Variants in TENM3 observed in about 807,000 individuals in gnomAD.
TENM3 encodes teneurin transmembrane protein 3, also known as teneurin-3.
A neutral mutation model predicts 255.1 loss-of-function variants in TENM3; 63 were observed. The observed-to-expected ratio is 0.25, with a 90% CI of 0.20 to 0.30. The LOEUF is 0.30. Ranked by LOEUF, TENM3 falls within the 10% of genes least tolerant of loss-of-function variation. The pLI is 1.00. For synonymous variants in TENM3, 1,306 were observed against 1,322.3 expected, an observed-to-expected ratio of 0.99 and a Z score of 0.27; for missense variants, 2,929 against 3,461.1, an observed-to-expected ratio of 0.85 and a Z score of 3.86.
the TENM3 span, among the ~76,000 whole-genome samples, chr4:181,494,249 A>T: frequency 2.0e-5 from 3 of 152,270 alleles, no homozygotes; most frequent in Non-Finnish European, 4.4e-5. Context: ...CACCAACTAA[A>T]ATGTCAACAG....
chr4:182,718,136 G>A (rs893320432), intron 13 of TENM3, among the ~76,000 whole-genome samples: 8 of 151,542 alleles, frequency 5.3e-5, no homozygotes, highest in African/African-American at 1.9e-4. Flanking sequence ...AAAGACCCTG[G>A]TCTCACATGT....
chr4:182,691,520 T>C (rs1268762419), intron 12 of TENM3, among the ~76,000 whole-genome samples: 1 of 152,242 alleles, frequency 6.6e-6, no homozygotes, highest in Non-Finnish European at 1.5e-5. Flanking sequence ...GTTATGAATT[T>C]GGAGTGTTCA....
chr4:182,740,783 A>C (rs1180186704), intron 18 of TENM3, among the ~76,000 whole-genome samples: 1 of 152,234 alleles, frequency 6.6e-6, no homozygotes, highest in Admixed American at 6.5e-5. Context: ...CATATTCTAA[A>C]CCAGAATAAC....
chr4:182,423,275 G>C (rs892661139), intron 3 of TENM3, among the ~76,000 whole-genome samples: 2 of 152,046 alleles, frequency 1.3e-5, no homozygotes, highest in African/African-American at 2.4e-5. Flanking sequence ...AGGAAGAGAG[G>C]TGCTGGAGAA....
chr4:182,420,393 T>C (rs1182261851), intron 3 of TENM3, among the ~76,000 whole-genome samples: 1 of 152,200 alleles, frequency 6.6e-6, no homozygotes, highest in African/African-American at 2.4e-5. Context: ...AATTCATTCA[T>C]AACTTTCTCT....
intron 6 of TENM3, among the ~76,000 whole-genome samples, chr4:182,664,116 T>C (rs867548505): frequency 2.6e-5 from 4 of 152,332 alleles, no homozygotes; most frequent in African/African-American, 9.6e-5. Flanking sequence ...TTATCATGCC[T>C]CCCAGATACC....
At chr4:182,228,173 C>T (rs2149998675) in intron 1 of TENM3, among the ~76,000 whole-genome samples, 1 of 151,784 alleles carries the variant, frequency 6.6e-6, no homozygotes, top group South Asian at 2.1e-4. Flanking sequence ...ATCCGAGGAC[C>T]ACAGTTAATA....
chr4:182,304,620 A>G lies in TENM3; in HGVS notation c.-75-19326A>G, dbSNP rs1402987422. ...CCTGCTGTGTACAAGACACAAAGGC[A>G]GGCAACACTGGAGTAGGTTTTTCTG... On this transcript the variant is annotated intron_variant, in intron 1 of 27. Transcript: ENST00000511685. Among the ~76,000 whole-genome samples the G allele has an allele frequency of 2.6e-5, 4 of 152,226 alleles. No individual in the cohort carries two copies. In the East Asian group the frequency reaches 7.7e-4, roughly 29 times the overall value.
chr4:182,063,302 C>T, the TENM3 span, among the ~76,000 whole-genome samples: 1 of 152,190 alleles, frequency 6.6e-6, no homozygotes, highest in Non-Finnish European at 1.5e-5. Context: ...ATGCTGACTA[C>T]TTCTGTAAAT....
intron 1 of TENM3, among the ~76,000 whole-genome samples, chr4:182,162,367 AGAC>A (rs1579560611): frequency 2.0e-5 from 3 of 152,304 alleles, no homozygotes. Flanking sequence ...AAATAGAAGA[AGAC>A]ATCTATTTTA....
the TENM3 span, among the ~76,000 whole-genome samples, chr4:181,748,528 C>A: frequency 6.6e-6 from 1 of 152,032 alleles, no homozygotes; most frequent in Non-Finnish European, 1.5e-5. Flanking sequence ...ATTACTAATT[C>A]CTAACACAAA....
the TENM3 span, among the ~76,000 whole-genome samples, chr4:181,621,991 C>T: frequency 1.3e-5 from 2 of 152,308 alleles, no homozygotes; most frequent in South Asian, 2.1e-4. Flanking sequence ...ACAATAACTT[C>T]CGGTAAAATC....
the TENM3 span, among the ~76,000 whole-genome samples, chr4:181,856,116 AGAAGGAAGGAAAGAAGGAAGAAG>A: frequency 4.5e-5 from 6 of 132,638 alleles, no homozygotes; most frequent in Non-Finnish European, 9.7e-5. Context: ...AAGGAAAGGA[AGAAGGAAGGAAAGAAGGAAGAAG>A]GAAGGAAGGA....
chr4:182,297,753 C>T (rs932013716), intron 1 of TENM3, among the ~76,000 whole-genome samples: 10 of 152,170 alleles, frequency 6.6e-5, no homozygotes, highest in African/African-American at 2.2e-4. Flanking sequence ...TTGTGTGATA[C>T]AAGTGGAGTA....
intron 3 of TENM3, among the ~76,000 whole-genome samples, chr4:182,533,439 T>A (rs1282304797): frequency 6.7e-6 from 1 of 149,196 alleles, no homozygotes; most frequent in African/African-American, 2.5e-5. Context: ...TAGTCCCAAC[T>A]AATGTGGAAG....
chr4:182,268,421 C>A (rs188225493), intron 1 of TENM3, among the ~76,000 whole-genome samples: 7 of 152,060 alleles, frequency 4.6e-5, no homozygotes. Context: ...GTCTTCGTCC[C>A]TCTGCAACCC....
At chr4:181,633,317 G>A in the TENM3 span, among the ~76,000 whole-genome samples, 6 of 152,210 alleles carry the variant, frequency 3.9e-5, no homozygotes, top group Non-Finnish European at 8.8e-5. Flanking sequence ...GGTTGAAAGG[G>A]AGGGTAGATA....
chr4:181,788,852 C>T, the TENM3 span, among the ~76,000 whole-genome samples: 2 of 152,206 alleles, frequency 1.3e-5, no homozygotes, highest in Non-Finnish European at 2.9e-5. Context: ...TCCGTCTCAG[C>T]TTTCCAAAGT....
At chr4:182,593,378 C>G (rs74978298) in intron 3 of TENM3, among the ~76,000 whole-genome samples, 2 of 152,198 alleles carry the variant, frequency 1.3e-5, no homozygotes, top group Non-Finnish European at 2.9e-5. Flanking sequence ...TCCACCTCCA[C>G]CCAGTTTCTG....
Sources: allele counts gnomAD v4.1 joint callset (sites outside exome capture counted in the v4.1 genomes callset), GRCh38; gene constraint gnomAD v4.1.1; transcripts MANE v1.5; gene names NCBI Gene and HGNC (gene_info 2026-07-23, HGNC 2026-07-21).